ZNF385D: variants seen among roughly 807,000 people sequenced by gnomAD.
ZNF385D encodes zinc finger protein 659.
A neutral mutation model predicts 35.8 loss-of-function variants in ZNF385D; 15 were observed. That is an observed-to-expected ratio of 0.42 (90% confidence interval 0.28 to 0.64). The LOEUF is 0.64. Among genes scored for constraint, ZNF385D ranks in the 30% least tolerant of loss-of-function variants. The pLI is 0.23. For missense variants in ZNF385D, 474 were observed against 494.6 expected (o/e 0.96, Z 0.39); for synonymous variants, 212 against 186.8 (o/e 1.13, Z -1.10).
intron 4 of ZNF385D, among the ~76,000 whole-genome samples, chr3:21,468,825 A>T (rs981153940): frequency 1.3e-5 from 2 of 152,204 alleles, no homozygotes; most frequent in East Asian, 3.9e-4. Flanking sequence ...GCTACTCGGG[A>T]GACTGAGGCA....
At chr3:21,689,973 C>A (rs2125339918) in intron 1 of ZNF385D, among the ~76,000 whole-genome samples, 1 of 150,880 alleles carries the variant, frequency 6.6e-6, no homozygotes, top group South Asian at 2.1e-4. Flanking sequence ...TTAATGAGTG[C>A]AAGTGAAACA....
At chr3:21,494,974 G>A (rs1705713934) in intron 4 of ZNF385D, among the ~76,000 whole-genome samples, 1 of 152,100 alleles carries the variant, frequency 6.6e-6, no homozygotes, top group African/African-American at 2.4e-5. Flanking sequence ...TCATGGCACT[G>A]TATCTGCTAT....
intron 2 of ZNF385D, among the ~76,000 whole-genome samples, chr3:22,363,676 T>C (rs1375939607): frequency 6.6e-6 from 1 of 152,156 alleles, no homozygotes; most frequent in African/African-American, 2.4e-5. Context: ...TATGGTTAAA[T>C]TGGTGGACCA....
intron 2 of ZNF385D, among the ~76,000 whole-genome samples, chr3:22,231,586 C>T (rs1698893119): frequency 6.6e-6 from 1 of 152,110 alleles, no homozygotes; most frequent in African/African-American, 2.4e-5. Flanking sequence ...GCTTGAACAA[C>T]ACAGTTTACC....
At chr3:22,179,654 T>C (rs1695088994) in intron 2 of ZNF385D, among the ~76,000 whole-genome samples, 1 of 152,226 alleles carries the variant, frequency 6.6e-6, no homozygotes, top group Admixed American at 6.5e-5. Flanking sequence ...AAGGCATCAC[T>C]GCCTTGTGCC....
intron 3 of ZNF385D, among the ~76,000 whole-genome samples, chr3:21,971,215 A>G (rs750603782): frequency 3.9e-5 from 6 of 152,104 alleles, no homozygotes; most frequent in Non-Finnish European, 7.4e-5. Context: ...ACTCATACCC[A>G]GAATAGAAAG....
At chr3:21,955,254 T>G (rs1396280576) in intron 3 of ZNF385D, among the ~76,000 whole-genome samples, 2 of 152,142 alleles carry the variant, frequency 1.3e-5, no homozygotes, top group Non-Finnish European at 2.9e-5. Flanking sequence ...GTTCTTAAAA[T>G]GGCTGGAGGA....
At chr3:22,298,853 G>A (rs1032365911) in intron 2 of ZNF385D, among the ~76,000 whole-genome samples, 1 of 151,620 alleles carries the variant, frequency 6.6e-6, no homozygotes, top group African/African-American at 2.4e-5. Context: ...CTTAGCCATG[G>A]ACTTGTGCTC....
intron 2 of ZNF385D, among the ~76,000 whole-genome samples, chr3:21,617,754 A>G (rs2064890061): frequency 6.6e-6 from 1 of 152,194 alleles, no homozygotes; most frequent in Admixed American, 6.5e-5. Flanking sequence ...TAAAGTACTT[A>G]GTTCTGGTGC....
At chr3:22,260,342 T>C (rs1258944364) in intron 2 of ZNF385D, among the ~76,000 whole-genome samples, 1 of 151,774 alleles carries the variant, frequency 6.6e-6, no homozygotes, top group Non-Finnish European at 1.5e-5. Context: ...CACCAGGGCC[T>C]GTTGGCAGGT....
chr3:22,192,908 A>G (rs1696155355), intron 2 of ZNF385D, among the ~76,000 whole-genome samples: 6 of 152,162 alleles, frequency 3.9e-5, no homozygotes, highest in Admixed American at 3.9e-4. Context: ...TGCCATTATT[A>G]TGATCAAACC....
chr3:21,543,777 C>T (rs1300593677), intron 3 of ZNF385D, among the ~76,000 whole-genome samples: 2 of 152,076 alleles, frequency 1.3e-5, no homozygotes, highest in Admixed American at 1.3e-4. Context: ...TTAAGGTAGG[C>T]CCCCCAGCCC....
intron 3 of ZNF385D, among the ~76,000 whole-genome samples, chr3:22,140,663 G>GTAA (rs1374478380): frequency 1.3e-5 from 2 of 152,008 alleles, no homozygotes; most frequent in Non-Finnish European, 2.9e-5. Flanking sequence ...CTGAGTGAAG[G>GTAA]GTACATGAAA....
intron 3 of ZNF385D, among the ~76,000 whole-genome samples, chr3:21,775,067 A>G (rs1485700161): frequency 6.6e-6 from 1 of 151,852 alleles, no homozygotes; most frequent in Non-Finnish European, 1.5e-5. Flanking sequence ...AGAAGAGATG[A>G]GCATAATTTA....
intron 2 of ZNF385D, among the ~76,000 whole-genome samples, chr3:22,177,291 G>A (rs1249733709): frequency 6.6e-6 from 1 of 152,070 alleles, no homozygotes; most frequent in African/African-American, 2.4e-5. Flanking sequence ...ACTCTACTTT[G>A]GATCTAAAAC....
At chr3:21,469,262 A>C (rs1271951938) in intron 4 of ZNF385D, among the ~76,000 whole-genome samples, 1 of 152,226 alleles carries the variant, frequency 6.6e-6, no homozygotes, top group Non-Finnish European at 1.5e-5. Flanking sequence ...AGGAGGCCAC[A>C]GACTTTTGTG....
At position 22,007,275 on chromosome 3, in the gene ZNF385D, C is replaced by G. The variant is rs376654285; in HGVS notation, c.325+161542G>C. On this transcript the variant is annotated intron_variant, in intron 3 of 5. Coordinates refer to the ZNF385D transcript ENST00000494108. ...CTACTAAATCTTAATTTTTTTAAAT[C>G]AACATTATATCCTGGAAATCAATTC... is the stretch of plus-strand genomic sequence containing the variant. Among the ~76,000 whole-genome samples the G allele has an allele frequency of 1.4e-4, 22 of 152,162 alleles. No individual in the cohort carries two copies. In the South Asian group the frequency reaches 4.6e-3, roughly 32 times the overall value.
chr3:21,847,323 G>A (rs79012484), intron 3 of ZNF385D, among the ~76,000 whole-genome samples: 5,817 of 152,026 alleles, frequency 0.038, 380 homozygotes, highest in African/African-American at 0.13. Flanking sequence ...CACTGTTTAA[G>A]AAAGTTTGAA....
intron 3 of ZNF385D, among the ~76,000 whole-genome samples, chr3:22,067,201 A>G (rs1334174715): frequency 6.6e-6 from 1 of 152,236 alleles, no homozygotes; most frequent in Non-Finnish European, 1.5e-5. Flanking sequence ...TTGAGTTTAT[A>G]TCACTGGCTT....
Sources: allele counts gnomAD v4.1 joint callset (sites outside exome capture counted in the v4.1 genomes callset), GRCh38; gene constraint gnomAD v4.1.1; transcripts MANE v1.5; gene names NCBI Gene and HGNC (gene_info 2026-07-23, HGNC 2026-07-21).